Variants in ALDH2 observed in about 807,000 individuals in gnomAD.
ALDH2 encodes the protein aldehyde dehydrogenase, mitochondrial.
Under a neutral mutation model 59.6 loss-of-function variants are expected in ALDH2, and 44 were observed. The observed-to-expected ratio is 0.74, with a 90% CI of 0.58 to 0.95. The LOEUF is 0.95. Ranked by LOEUF, ALDH2 falls within the 40% of genes least tolerant of loss-of-function variation. ALDH2 has a pLI of 0.00. For synonymous variants in ALDH2, 291 were observed against 284.0 expected (o/e 1.02, Z -0.25); for missense variants, 570 against 696.3 (o/e 0.82, Z 2.04).
chr12:111,817,446 T>A lies in ALDH2; in HGVS notation c.*7871T>A, dbSNP rs1352091237. ...AATGCAGTGACATAACTGGCAAGAT[T>A]TACAGGTCAATTGGATATTGTTTAC... On this transcript the variant is annotated 3_prime_UTR_variant, in exon 13 of 13. Coordinates refer to ENST00000261733, the MANE Select transcript of ALDH2 (RefSeq NM_000690.4). The A allele has an allele frequency of 6.6e-6, 1 of 152,204 alleles. No homozygotes were observed. The highest frequency in any genetic ancestry group is 1.5e-5 in the Non-Finnish European group (1 of 68,032). The allele number at this position is 152,204 out of a possible 1,614,324, so 9.4% of individuals were successfully genotyped here.
intron 1 of ALDH2, among the ~76,000 whole-genome samples, chr12:111,767,868 T>C (rs774287850): frequency 2.0e-5 from 3 of 152,250 alleles, no homozygotes; most frequent in Non-Finnish European, 2.9e-5. Flanking sequence ...TTTGTGCCAG[T>C]GCATGTTGGC....
chr12:111,771,851 C>T (rs1410966979), intron 1 of ALDH2, among the ~76,000 whole-genome samples: 1 of 152,150 alleles, frequency 6.6e-6, no homozygotes, highest in Non-Finnish European at 1.5e-5. Context: ...GTAATCTCCG[C>T]ACTTTGGGAG....
In ALDH2 at chr12:111,804,662, G is replaced by A. The variant is rs374686453; in HGVS notation, c.1521+689G>A. On this transcript the variant is annotated intron_variant, in intron 12 of 12. Transcript: ENST00000261733. The stretch of plus-strand genomic sequence containing the variant: ...CTCAGGAGGCTGAGGCAGGAGAATC[G>A]CTTGAACACGGGAGGCGGAGGTTGC... Among the ~76,000 whole-genome samples the A allele has an allele frequency of 6.1e-4, 93 of 151,676 alleles. No homozygotes were observed. The East Asian group carries it at 0.017, about 27-fold the overall frequency.
At chr12:111,775,827 G>C (rs191158181) in intron 1 of ALDH2, 1 of 348,214 alleles carries the variant, frequency 2.9e-6, no homozygotes, top group Admixed American at 3.7e-5. Flanking sequence ...GCAGAACTTT[G>C]GCAGAAACTC....
chr12:111,797,472 A>G (rs911392937), intron 9 of ALDH2, among the ~76,000 whole-genome samples: 1 of 152,108 alleles, frequency 6.6e-6, no homozygotes, highest in African/African-American at 2.4e-5. Context: ...GTAGGGGTGC[A>G]TGCCTATAGT....
rs781757716 is a variant in ALDH2, at chr12:111,789,774, G to GCAGA, written c.441-49_441-48insCAGA. Reference sequence around the variant, plus strand: ...CTTCTCTTTCTGCCAGGGTTTGCAGGGGTCCCTGACAATCATTGATTCGAG... The same window carrying GCAGA: ...CTTCTCTTTCTGCCAGGGTTTGCAGGCAGAGGTCCCTGACAATCATTGATTCGAG... On this transcript the variant is annotated intron_variant, in intron 4 of 12. Coordinates refer to ENST00000261733, the MANE Select transcript of ALDH2 (RefSeq NM_000690.4). The GCAGA allele has an allele frequency of 2.3e-5, 34 of 1,488,394 alleles. No individual in the cohort carries two copies. In the African/African-American group the frequency reaches 4.0e-4, roughly 18 times the overall value. 92.2% of individuals were successfully genotyped at this position (1,488,394 alleles called of 1,614,324 possible).
intron 9 of ALDH2, among the ~76,000 whole-genome samples, chr12:111,793,503 G>A (rs889999277): frequency 6.6e-6 from 1 of 152,068 alleles, no homozygotes; most frequent in African/African-American, 2.4e-5. Flanking sequence ...TTCACATCCT[G>A]CATGAGTGTG....
At chr12:111,803,486 T>C (rs1171057348) in intron 11 of ALDH2, among the ~76,000 whole-genome samples, 3 of 151,834 alleles carry the variant, frequency 2.0e-5, no homozygotes, top group Non-Finnish European at 4.4e-5. Flanking sequence ...ATACTTGTTA[T>C]CTTAACTACT....
chr12:111,792,399 C>T (rs1469868940), intron 8 of ALDH2, among the ~76,000 whole-genome samples, 199 bp from the exon 9 acceptor site: 2 of 152,244 alleles, frequency 1.3e-5, no homozygotes, highest in African/African-American at 4.8e-5. Context: ...TCTGACTCAT[C>T]CACTTGCCGC....
At chr12:111,767,243 C>T (rs1168581045) in intron 1 of ALDH2, 147 bp downstream of exon 1, 1 of 602,738 alleles carries the variant, frequency 1.7e-6, no homozygotes, top group Admixed American at 3.9e-5. Flanking sequence ...ACATCTGCCC[C>T]CTCCTCTCCT....
chr12:111,808,971 G>A (rs188140327), intron 12 of ALDH2, among the ~76,000 whole-genome samples: 5 of 152,232 alleles, frequency 3.3e-5, no homozygotes, highest in Admixed American at 6.5e-5. Flanking sequence ...GAGTGGTGAC[G>A]CCAGTCCTGT....
Position 111,809,627 on chromosome 12 carries a change from A to G in ALDH2, c.*52A>G, listed in dbSNP as rs1196899969. The G allele has an allele frequency of 6.2e-7, 1 of 1,602,944 alleles. No homozygotes were observed. The highest frequency in any genetic ancestry group is 1.1e-5 in the South Asian group (1 of 90,526). The stretch of plus-strand genomic sequence containing the variant: ...CATTGATGGAAAGTTCAGCAAGATC[A>G]GCAACAAAACCAAGAAAAATGATCC... On this transcript the variant is annotated 3_prime_UTR_variant, in exon 13 of 13. Transcript: ENST00000261733.
At chr12:111,780,570 C>T (rs1330153038) in intron 1 of ALDH2, among the ~76,000 whole-genome samples, 5 of 152,150 alleles carry the variant, frequency 3.3e-5, no homozygotes, top group Admixed American at 3.3e-4. Flanking sequence ...GTCAAATGTC[C>T]ACTCCTCAGG....
chr12:111,773,360 T>A lies in ALDH2; in HGVS notation c.114+6264T>A, dbSNP rs534989398. ...ACTTGAGTTTCAGGTGACAGGGCTA[T>A]AATAATGTTTGTGCTCCTGAGGTCA... On this transcript the variant is annotated intron_variant, in intron 1 of 12. Coordinates refer to ENST00000261733, the MANE Select transcript of ALDH2 (RefSeq NM_000690.4). Among the ~76,000 whole-genome samples, 7 of 152,310 alleles carry A rather than the reference T, an allele frequency of 4.6e-5. No homozygotes were observed. In the South Asian group the frequency reaches 1.5e-3, roughly 32 times the overall value.
chr12:111,792,313 A>ATGGCCTGGCCT (rs2068367340), intron 8 of ALDH2, 150 bp downstream of exon 8: 1 of 724,276 alleles, frequency 1.4e-6, no homozygotes, highest in Non-Finnish European at 2.3e-6. Flanking sequence ...CAGGGCCTGC[A>ATGGCCTGGCCT]TGGCCTGGCC....
chr12:111,779,022 A>C (rs750713229), intron 1 of ALDH2, among the ~76,000 whole-genome samples: 2 of 151,686 alleles, frequency 1.3e-5, no homozygotes, highest in Non-Finnish European at 2.9e-5. Context: ...ACACCTGGCT[A>C]ATTTTTCACT....
intron 12 of ALDH2, among the ~76,000 whole-genome samples, chr12:111,806,816 G>A (rs1593089364): frequency 6.6e-6 from 1 of 151,100 alleles, no homozygotes; most frequent in Admixed American, 6.6e-5. Context: ...TACTAAAAAT[G>A]CAAAAATTGG....
At chr12:111,784,193 A>G (rs1593074935) in intron 3 of ALDH2, among the ~76,000 whole-genome samples, 3 of 152,330 alleles carry the variant, frequency 2.0e-5, no homozygotes, top group African/African-American at 4.8e-5. Context: ...ATATGCCTGT[A>G]GTCCTAGCTA....
chr12:111,791,568 A>G, intron 7 of ALDH2, 149 bp downstream of exon 7: 2 of 643,638 alleles, frequency 3.1e-6, no homozygotes, highest in Non-Finnish European at 5.4e-6. Flanking sequence ...GGGGTGGGGC[A>G]GGGTTGAGCC....
Sources: allele counts gnomAD v4.1 joint callset (sites outside exome capture counted in the v4.1 genomes callset), GRCh38; gene constraint gnomAD v4.1.1; transcripts MANE v1.5; gene names NCBI Gene and HGNC (gene_info 2026-07-23, HGNC 2026-07-21).